The following ADAMTSL1 variants were observed in gnomAD, a reference collection of about 807,000 sequenced individuals.
The protein encoded by ADAMTSL1 is ADAMTS-like protein 1.
In ADAMTSL1, 126 loss-of-function variants were observed where a neutral mutation model predicts 201.8. The observed-to-expected ratio is 0.62, with a 90% CI of 0.54 to 0.72. The LOEUF is 0.72. ADAMTSL1 is among the 30% of genes least tolerant of loss of function. The pLI is 0.00. For missense variants in ADAMTSL1, 2,679 were observed against 2,277.8 expected (o/e 1.18, Z -3.59); for synonymous variants, 1,121 against 903.4 (o/e 1.24, Z -4.32).
At chr9:18,101,787 G>T (rs956652717) in intron 1 of ADAMTSL1, among the ~76,000 whole-genome samples, 3 of 152,186 alleles carry the variant, frequency 2.0e-5, no homozygotes, top group African/African-American at 7.2e-5. Context: ...CAGCCGGTCA[G>T]AAAAAGGAAG....
rs1368634938 is a variant in ADAMTSL1 at position 18,909,261 on chromosome 9, G to A, written c.*713G>A. The stretch of plus-strand genomic sequence containing the variant: ...GCCTGTGGTGTTCCCCAGTGGGGCA[G>A]GGTGAGCAGGGGCTTCCAGGCTGCA... On this transcript the variant is annotated 3_prime_UTR_variant, in exon 29 of 29. Coordinates refer to ENST00000380548, the MANE Select transcript of ADAMTSL1 (RefSeq NM_001040272.6). 6.5e-6 allele frequency: 1 copy of A among 153,058 alleles called. No individual in the cohort carries two copies. The highest frequency in any genetic ancestry group is 1.5e-5 in the Non-Finnish European group (1 of 68,718). The allele number at this position is 153,058 out of a possible 1,614,324, so 9.5% of individuals were successfully genotyped here.
chr9:18,169,799 A>G (rs922946546), intron 2 of ADAMTSL1, among the ~76,000 whole-genome samples: 10 of 151,854 alleles, frequency 6.6e-5, no homozygotes, highest in South Asian at 2.1e-4. Flanking sequence ...CTTCTATTTC[A>G]TTGAGCAGTG....
chr9:17,991,131 G>A (rs1434541223), intron 1 of ADAMTSL1, among the ~76,000 whole-genome samples: 1 of 152,072 alleles, frequency 6.6e-6, no homozygotes, highest in Non-Finnish European at 1.5e-5. Flanking sequence ...CCCAAACGCT[G>A]TACTGGGAAT....
intron 20 of ADAMTSL1, among the ~76,000 whole-genome samples, chr9:18,808,099 A>G (rs1588144214): frequency 6.6e-6 from 1 of 152,176 alleles, no homozygotes; most frequent in South Asian, 2.1e-4. Flanking sequence ...TGGTGTCTCA[A>G]AAGATAATCT....
chr9:18,251,786 AAC>A (rs1309204340), intron 2 of ADAMTSL1, among the ~76,000 whole-genome samples: 1 of 152,214 alleles, frequency 6.6e-6, no homozygotes, highest in Non-Finnish European at 1.5e-5. Flanking sequence ...ATATTGGTGC[AAC>A]ACAGTAAATA....
chr9:18,322,620 A>G (rs1202333016), intron 2 of ADAMTSL1, among the ~76,000 whole-genome samples: 1 of 152,136 alleles, frequency 6.6e-6, no homozygotes, highest in African/African-American at 2.4e-5. Context: ...GGGTGACGAG[A>G]GCAAAACCCT....
rs148543107 is a variant in ADAMTSL1, at chr9:17,947,933, C to T, written c.87+41011C>T. The stretch of plus-strand genomic sequence containing the variant: ...ATACACCATCTTCAGGCACCATCTT[C>T]CAAAAACAACTACCAATTTTTGAAG... On this transcript the variant is annotated intron_variant, in intron 1 of 29. Transcript: ENST00000680146. Among the ~76,000 whole-genome samples the T allele has an allele frequency of 4.6e-3, 700 of 152,258 alleles. 5 individuals are homozygous for T. The highest frequency in any genetic ancestry group is 0.016 in the African/African-American group (659 of 41,558).
intron 2 of ADAMTSL1, among the ~76,000 whole-genome samples, chr9:18,426,448 T>C (rs1047764767): frequency 6.6e-6 from 1 of 152,172 alleles, no homozygotes; most frequent in Non-Finnish European, 1.5e-5. Context: ...GTATAAATAC[T>C]CAGTAATTAA....
intron 24 of ADAMTSL1, among the ~76,000 whole-genome samples, chr9:18,888,375 G>A (rs991211479): frequency 6.6e-6 from 1 of 152,188 alleles, no homozygotes; most frequent in African/African-American, 2.4e-5. Context: ...GATTTAACTA[G>A]TACAGATCTC....
chr9:18,092,726 A>G (rs1054143167), intron 1 of ADAMTSL1, among the ~76,000 whole-genome samples: 6 of 152,246 alleles, frequency 3.9e-5, no homozygotes, highest in African/African-American at 1.4e-4. Context: ...GGCCACCAAC[A>G]TAATAGAAAG....
At chr9:18,403,661 T>C (rs1403899970) in intron 2 of ADAMTSL1, among the ~76,000 whole-genome samples, 1 of 152,202 alleles carries the variant, frequency 6.6e-6, no homozygotes, top group Non-Finnish European at 1.5e-5. Context: ...CCTAAAGACA[T>C]TGATTACTTG....
intron 2 of ADAMTSL1, among the ~76,000 whole-genome samples, chr9:18,406,466 T>C (rs575918203): frequency 1.3e-5 from 2 of 151,982 alleles, no homozygotes; most frequent in Non-Finnish European, 2.9e-5. Flanking sequence ...GTAGCTGGGA[T>C]TACAGGCACA....
At chr9:18,906,019 A>C in intron 27 of ADAMTSL1, 128 bp downstream of exon 27, 1 of 806,646 alleles carries the variant, frequency 1.2e-6, no homozygotes, top group Non-Finnish European at 2.0e-6. Context: ...CTCCATCTCC[A>C]TTCACCGCAA....
At chr9:18,607,284 C>T (rs1825082672) in intron 4 of ADAMTSL1, among the ~76,000 whole-genome samples, 1 of 152,114 alleles carries the variant, frequency 6.6e-6, no homozygotes, top group African/African-American at 2.4e-5. Flanking sequence ...TGTTGAAAAA[C>T]AGCCCGAAGT....
chr9:18,815,969 A>T (rs1419006085), intron 20 of ADAMTSL1, among the ~76,000 whole-genome samples: 2 of 152,168 alleles, frequency 1.3e-5, no homozygotes, highest in African/African-American at 4.8e-5. Context: ...TGGCGTATCC[A>T]ACACTTCTTA....
At chr9:18,572,836 G>T (rs751166312) in intron 3 of ADAMTSL1, among the ~76,000 whole-genome samples, 4 of 152,100 alleles carry the variant, frequency 2.6e-5, no homozygotes, top group African/African-American at 9.7e-5. Flanking sequence ...ACTGCTGAAG[G>T]CTACATGGAA....
intron 6 of ADAMTSL1, among the ~76,000 whole-genome samples, chr9:18,637,148 A>T (rs1221769206): frequency 2.0e-5 from 3 of 152,128 alleles, no homozygotes; most frequent in Admixed American, 1.3e-4. Flanking sequence ...TTCAGGCAAA[A>T]CCAGAAAATG....
At chr9:18,906,496 C>T (rs1038051238) in intron 27 of ADAMTSL1, among the ~76,000 whole-genome samples, 196 bp from the exon 28 acceptor site, 2 of 152,154 alleles carry the variant, frequency 1.3e-5, no homozygotes, top group Admixed American at 6.5e-5. Context: ...CAGATGGAGG[C>T]CCAGTAAGAG....
intron 2 of ADAMTSL1, among the ~76,000 whole-genome samples, chr9:18,247,301 G>C (rs1450359111): frequency 6.6e-6 from 1 of 152,134 alleles, no homozygotes; most frequent in Non-Finnish European, 1.5e-5. Context: ...GTGCCCTAAT[G>C]AGTAACAAGA....
Sources: allele counts gnomAD v4.1 joint callset (sites outside exome capture counted in the v4.1 genomes callset), GRCh38; gene constraint gnomAD v4.1.1; transcripts MANE v1.5; gene names NCBI Gene and HGNC (gene_info 2026-07-23, HGNC 2026-07-21).